Variants in PLCD3 observed in about 807,000 individuals in gnomAD.
PLCD3 encodes phospholipase C delta 3.
PLCD3 carries 62 observed loss-of-function variants against 82.8 expected under a neutral mutation model. The ratio of observed to expected loss-of-function variants is 0.75; its 90% confidence interval spans 0.61 to 0.93. The LOEUF is 0.93. Ranked by LOEUF, PLCD3 falls within the 40% of genes least tolerant of loss-of-function variation. PLCD3 has a pLI of 0.00. For missense variants in PLCD3, 1,023 were observed against 1,103.4 expected, an observed-to-expected ratio of 0.93 and a Z score of 1.03; for synonymous variants, 478 against 471.8, an observed-to-expected ratio of 1.01 and a Z score of -0.17.
At position 45,115,397 on chromosome 17, in the gene PLCD3, C is replaced by A; in HGVS notation, c.1507G>T (p.Glu503Ter). ...RALSDREEEE[E>*]DDEEEEEEVE... ...TCCTCTTCTTCCTCCTCGTCATCCT[C>A]CTCCTCCTCCTCCCGATCCGACAGA... The change falls in exon 9 of 15, where the codon GAG (glutamate) becomes TAG (stop). Residue 503 changes from glutamate (E) to a stop codon, truncating the protein, a stop_gained. Coordinates refer to ENST00000619929, the MANE Select transcript of PLCD3 (RefSeq NM_133373.5). LOFTEE classifies it high-confidence loss of function. The A allele has an allele frequency of 6.2e-7, 1 of 1,608,154 alleles. No individual in the cohort carries two copies.
Position 45,115,450 on chromosome 17 carries a change from G to A in PLCD3, c.1454C>T (p.Pro485Leu), listed in dbSNP as rs775105592. 6.2e-7 allele frequency: 1 copy of A among 1,612,544 alleles called. No individual in the cohort carries two copies. The highest frequency in any genetic ancestry group is 8.5e-7 in the Non-Finnish European group (1 of 1,179,506). The change falls in exon 9 of 15, where the codon CCC becomes CTC. Residue 485 changes from proline to leucine, a missense_variant. By Grantham distance (98) the Pro-to-Leu change is moderately conservative (BLOSUM62 -3). Coordinates refer to ENST00000619929, the MANE Select transcript of PLCD3 (RefSeq NM_133373.5). ...GRVLVKGKKL[P>L]AARSEDGRAL... is the part of the protein sequence containing the mutation. The stretch of plus-strand genomic sequence containing the variant: ...CCGGCCATCCTCGCTCCGAGCAGCG[G>A]GCAACTTCTTTCCCTTCACCAGGAC...
In PLCD3 at chr17:45,116,596, C is replaced by A. The variant is rs767176989; in HGVS notation, c.1413+36G>T. On this transcript the variant is annotated intron_variant, in intron 8 of 14. Coordinates refer to ENST00000619929, the MANE Select transcript of PLCD3 (RefSeq NM_133373.5). ...GCGGGGAGGCGGACTCCCACCAGACCTCCCTCCACCCAGGCTAGGGGCTGG... is the reference window on the plus strand; with the variant it reads ...GCGGGGAGGCGGACTCCCACCAGACATCCCTCCACCCAGGCTAGGGGCTGG... 5.9e-6 allele frequency: 9 copies of A among 1,519,002 alleles called. No individual in the cohort carries two copies. The East Asian group carries it at 2.2e-4, about 37-fold the overall frequency. 94.1% of individuals were successfully genotyped at this position (1,519,002 alleles called of 1,614,324 possible).
Position 45,120,891 on chromosome 17 carries a change from C to T in PLCD3, c.554+11G>A, listed in dbSNP as rs555876519. 606 of 1,417,638 alleles carry T rather than the reference C, an allele frequency of 4.3e-4. 6 individuals carry two copies. The African/African-American group carries it at 7.5e-3, about 18-fold the overall frequency. The allele number at this position is 1,417,638 out of a possible 1,614,324, so 87.8% of individuals were successfully genotyped here. ...AGGATGGGGCCCTCCCTCCCAGCCC[C>T]GGCAGGATATTGGTCTAGCCGCTCG... is the stretch of plus-strand genomic sequence containing the variant. On this transcript the variant is annotated intron_variant, in intron 3 of 14. Transcript: ENST00000619929.
chr17:45,112,740 GCACCCTGGGGGTCTGGCC>G (rs755963884), intron 14 of PLCD3, 36 bp from the exon 15 acceptor site: 15 of 1,592,468 alleles, frequency 9.4e-6, no homozygotes, highest in Middle Eastern at 3.3e-4. Context: ...GGTCCTCTGT[GCACCCTGGGGGTCTGGCC>G]CAGCCCGGGC....
Position 45,116,793 on chromosome 17 carries a change from G to A in PLCD3, c.1261-9C>T. 1.3e-6 allele frequency: 2 copies of A among 1,579,818 alleles called. No homozygotes were observed. The highest frequency in any genetic ancestry group is 2.3e-5 in the South Asian group (2 of 87,166). The stretch of plus-strand genomic sequence containing the variant: ...ACAGGGTAAGGGGACAGCTGTGGGG[G>A]GAAGGGCAGCAGCTCAGAGCCACTC... On this transcript the variant is annotated splice_polypyrimidine_tract_variant and intron_variant, in intron 7 of 14. Transcript: ENST00000619929.
chr17:45,128,704 C>A (rs1370932080), intron 1 of PLCD3, among the ~76,000 whole-genome samples: 1 of 152,224 alleles, frequency 6.6e-6, no homozygotes, highest in Non-Finnish European at 1.5e-5. Flanking sequence ...GCTGTGGGGA[C>A]ACAGGGTGGC....
At chr17:45,115,314 C>CTT in intron 9 of PLCD3, 30 bp downstream of exon 9, 1 of 1,501,464 alleles carries the variant, frequency 6.7e-7, no homozygotes, top group Admixed American at 2.2e-5. Context: ...CCTTCCCCCC[C>CTT]TTCCCCACCC....
chr17:45,112,393 G>T lies in PLCD3; in HGVS notation c.*223C>A. The T allele has an allele frequency of 1.7e-6, 1 of 580,966 alleles. No homozygotes were observed. The highest frequency in any genetic ancestry group is 3.1e-6 in the Non-Finnish European group (1 of 324,404). 36.0% of individuals were successfully genotyped at this position (580,966 alleles called of 1,614,324 possible). Reference sequence around the variant, plus strand: ...GCTGGGGCCATCTCAGGGCCCCAGGGTTGGAGCTCACTGAAGTCACATGAA... The same window carrying T: ...GCTGGGGCCATCTCAGGGCCCCAGGTTTGGAGCTCACTGAAGTCACATGAA... On this transcript the variant is annotated 3_prime_UTR_variant, in exon 15 of 15. Transcript: ENST00000619929.
In PLCD3 at chr17:45,118,535, C is replaced by T. The variant is rs1304443553; in HGVS notation, c.914-43G>A. 1 of 1,604,268 alleles carries T rather than the reference C, an allele frequency of 6.2e-7. No homozygotes were observed. The highest frequency in any genetic ancestry group is 8.5e-7 in the Non-Finnish European group (1 of 1,173,298). On this transcript the variant is annotated intron_variant, in intron 5 of 14. Transcript: ENST00000619929. The surrounding 1 kb of genome is among the most constrained non-coding windows in gnomAD (Gnocchi z 4.1). Reference sequence around the variant, plus strand: ...GAGGGCATCAGGCCACATAGGGATCCCCCATGTCCAGCTTCCAATGCCCCC... The same window carrying T: ...GAGGGCATCAGGCCACATAGGGATCTCCCATGTCCAGCTTCCAATGCCCCC...
rs1236037038 is a variant in PLCD3 at position 45,116,784 on chromosome 17, G to A, written c.1261C>T (p.Leu421=). ...GATAGGATGACAGGGTAAGGGGACA[G>A]CTGTGGGGGGAAGGGCAGCAGCTCA... The part of the protein sequence containing the change: ...VQAVRDHAFT[L]SPYPVILSLE... Residue 421 remains leucine, a splice_region_variant and synonymous_variant, in exon 8 of 15, where the codon CTG becomes TTG. Coordinates refer to ENST00000619929, the MANE Select transcript of PLCD3 (RefSeq NM_133373.5). 2 of 1,589,112 alleles carry A rather than the reference G, an allele frequency of 1.3e-6. No individual in the cohort carries two copies. Among genetic ancestry groups the A allele is most frequent in the Non-Finnish European group, 1.7e-6 (2 of 1,166,274 alleles).
At chr17:45,131,177 C>T (rs568133619) in intron 1 of PLCD3, among the ~76,000 whole-genome samples, 1 of 152,200 alleles carries the variant, frequency 6.6e-6, no homozygotes, top group Non-Finnish European at 1.5e-5. Flanking sequence ...ACATAGTCAG[C>T]GCTCAGGTGG....
chr17:45,127,034 TGTGGTGGAA>T (rs975536406), intron 1 of PLCD3, among the ~76,000 whole-genome samples: 1 of 152,168 alleles, frequency 6.6e-6, no homozygotes, highest in Non-Finnish European at 1.5e-5. Flanking sequence ...GGGGCTGAAA[TGTGGTGGAA>T]GTTGGGGGAG....
chr17:45,124,226 G>A (rs1329307041), intron 1 of PLCD3, among the ~76,000 whole-genome samples: 1 of 152,228 alleles, frequency 6.6e-6, no homozygotes, highest in Non-Finnish European at 1.5e-5. Context: ...AGTCACCGGG[G>A]CCTGCTCTGT....
rs780266188 is a variant in PLCD3, at chr17:45,112,995, C to T, written c.2149G>A (p.Gly717Arg). 3.1e-6 allele frequency: 5 copies of T among 1,607,450 alleles called. No homozygotes were observed. The highest frequency in any genetic ancestry group is 4.3e-6 in the Non-Finnish European group (5 of 1,176,112). ...VLNNGFNPRWGQTLQFQLRAP... is the reference protein window; with the variant it reads ...VLNNGFNPRWRQTLQFQLRAP... ...CGCAGCTGGAACTGCAGGGTCTGCC[C>T]CCAGCGGGGGTTGAAGCCTAGGGCA... is the stretch of plus-strand genomic sequence containing the variant. Residue 717 changes from glycine to arginine, a missense_variant, in exon 14 of 15, where the codon GGG becomes AGG. By Grantham distance (125) the Gly-to-Arg change is moderately radical. Coordinates refer to ENST00000619929, the MANE Select transcript of PLCD3 (RefSeq NM_133373.5).
chr17:45,120,325 C>A lies in PLCD3; in HGVS notation c.684G>T (p.Lys228Asn). 6.2e-7 allele frequency: 1 copy of A among 1,613,914 alleles called. No individual in the cohort carries two copies. The highest frequency in any genetic ancestry group is 1.1e-5 in the South Asian group (1 of 91,064). Residue 228 changes from lysine to asparagine, a missense_variant and splice_region_variant, in exon 4 of 15, where the codon AAG (lysine) becomes AAT (asparagine). Lys to Asn is a moderately conservative substitution (Grantham distance 94). Around this residue, in one of 3 missense-constraint regions of PLCD3, gnomAD observed 448 missense variants for 406.3 expected, o/e 1.10. Coordinates refer to ENST00000619929, the MANE Select transcript of PLCD3 (RefSeq NM_133373.5). The part of the protein sequence containing the change: ...MNDMYAYLLF[K>N]ECDHSNNDRL... The stretch of plus-strand genomic sequence containing the variant: ...GCTGGGGTTCAGGGCGGAAGCCCAC[C>A]TTGAAGAGGAGGTAGGCGTACATGT...
At chr17:45,126,583 G>A (rs751966818) in intron 1 of PLCD3, among the ~76,000 whole-genome samples, 7 of 151,258 alleles carry the variant, frequency 4.6e-5, no homozygotes, top group African/African-American at 7.3e-5. Flanking sequence ...GATTACAGGC[G>A]TGAGCCACAG....
chr17:45,124,824 G>A (rs980828646), intron 1 of PLCD3, among the ~76,000 whole-genome samples: 2 of 152,248 alleles, frequency 1.3e-5, no homozygotes, highest in Non-Finnish European at 2.9e-5. Flanking sequence ...TAGCTGCCGG[G>A]CCAGTGACTG....
At position 45,118,162 on chromosome 17, in the gene PLCD3, C is replaced by G; in HGVS notation, c.1116-24G>C. The G allele has an allele frequency of 6.2e-7, 1 of 1,613,770 alleles. No homozygotes were observed. Among genetic ancestry groups the G allele is most frequent in the Non-Finnish European group, 8.5e-7 (1 of 1,179,798 alleles). On this transcript the variant is annotated intron_variant, in intron 6 of 14. Coordinates refer to ENST00000619929, the MANE Select transcript of PLCD3 (RefSeq NM_133373.5). This position sits in a 1 kb window ranked among gnomAD's most constrained non-coding sequence, Gnocchi z 4.1. The stretch of plus-strand genomic sequence containing the variant: ...CCCTGTGTGTGGACAGATGGGTGGA[C>G]GGGCAAGGTGTTGCCAGAGTGCCAC...
intron 4 of PLCD3, among the ~76,000 whole-genome samples, chr17:45,119,276 G>A (rs1004001717): frequency 6.6e-6 from 1 of 152,214 alleles, no homozygotes; most frequent in Non-Finnish European, 1.5e-5. Context: ...TACCCAGGCT[G>A]GAGCGCAGTG....
Sources: allele counts gnomAD v4.1 joint callset (sites outside exome capture counted in the v4.1 genomes callset), GRCh38; gene constraint gnomAD v4.1.1; regional missense constraint gnomAD v4.1.1; non-coding constraint Gnocchi (gnomAD v3.1); transcripts MANE v1.5; gene names NCBI Gene and HGNC (gene_info 2026-07-23, HGNC 2026-07-21).